Variants in ASIC2 observed in about 807,000 individuals in gnomAD.
The protein encoded by ASIC2 is acid sensing ion channel subunit 2, also known as acid-sensing ion channel 2.
Under a neutral mutation model 57.3 loss-of-function variants are expected in ASIC2, and 25 were observed. That is an observed-to-expected ratio of 0.44 (90% CI 0.32 to 0.61). The LOEUF (loss-of-function observed/expected upper bound fraction) is 0.61, where lower values mean the gene tolerates loss of function less well. ASIC2 is among the 20% of genes least tolerant of loss of function. ASIC2 has a pLI of 0.06. For synonymous variants in ASIC2, 319 were observed against 307.5 expected (o/e 1.04, Z -0.39); for missense variants, 641 against 738.1 (o/e 0.87, Z 1.52).
chr17:33,636,856 C>T (rs897094870), intron 1 of ASIC2, among the ~76,000 whole-genome samples: 1 of 151,948 alleles, frequency 6.6e-6, no homozygotes, highest in East Asian at 1.9e-4. Flanking sequence ...CAGTAACACA[C>T]AAGCATATGC....
intron 1 of ASIC2, among the ~76,000 whole-genome samples, chr17:33,784,086 G>A (rs1230180988): frequency 6.6e-6 from 1 of 152,172 alleles, no homozygotes; most frequent in Non-Finnish European, 1.5e-5. Flanking sequence ...AGTTTTGTGA[G>A]GTTGGGGGGT....
At chr17:34,024,297 A>T (rs1041919346) in intron 1 of ASIC2, among the ~76,000 whole-genome samples, 2 of 152,208 alleles carry the variant, frequency 1.3e-5, no homozygotes, top group African/African-American at 4.8e-5. Context: ...TCTCAGCACT[A>T]CTTAGAAACT....
At chr17:33,815,508 A>T (rs540178506) in intron 1 of ASIC2, among the ~76,000 whole-genome samples, 68 of 152,310 alleles carry the variant, frequency 4.5e-4, no homozygotes, top group African/African-American at 1.6e-3. Context: ...GTCTTGACTT[A>T]ACTCACCCCT....
intron 1 of ASIC2, among the ~76,000 whole-genome samples, chr17:33,346,405 G>T (rs1907951595): frequency 6.6e-6 from 1 of 152,080 alleles, no homozygotes. Flanking sequence ...ATTTAATTTA[G>T]CTTGTGTCAG....
chr17:33,587,681 G>A (rs909704475), intron 1 of ASIC2, among the ~76,000 whole-genome samples: 1 of 152,220 alleles, frequency 6.6e-6, no homozygotes, highest in African/African-American at 2.4e-5. Flanking sequence ...GAGCAGAGAA[G>A]AAGGCAGACC....
At chr17:33,525,953 G>A (rs1271613944) in intron 1 of ASIC2, among the ~76,000 whole-genome samples, 1 of 152,032 alleles carries the variant, frequency 6.6e-6, no homozygotes, top group African/African-American at 2.4e-5. Flanking sequence ...TTCCACTCGT[G>A]GGTATCTTCT....
At chr17:33,775,331 C>T (rs1486874387) in intron 1 of ASIC2, among the ~76,000 whole-genome samples, 4 of 152,174 alleles carry the variant, frequency 2.6e-5, no homozygotes, top group Non-Finnish European at 4.4e-5. Flanking sequence ...GACTCCCAGG[C>T]ACAGAGGATG....
At chr17:33,495,427 A>G (rs1913897605) in intron 1 of ASIC2, among the ~76,000 whole-genome samples, 1 of 152,142 alleles carries the variant, frequency 6.6e-6, no homozygotes, top group South Asian at 2.1e-4. Context: ...CTTCTCGGAA[A>G]CCAAGAAGGA....
chr17:33,925,269 T>C lies in ASIC2; in HGVS notation c.555+230709A>G, dbSNP rs527313242. Among the ~76,000 whole-genome samples, 3 of 152,350 alleles carry C rather than the reference T, an allele frequency of 2.0e-5. No homozygotes were observed. In the South Asian group the frequency reaches 6.2e-4, roughly 32 times the overall value. On this transcript the variant is annotated intron_variant, in intron 1 of 9. Transcript: ENST00000359872. ...CATACCAACTTGCACAAGGGTTGAA[T>C]GAGGAGAAGAATATAAGCGCAAAAT... is the stretch of plus-strand genomic sequence containing the variant.
intron 3 of ASIC2, among the ~76,000 whole-genome samples, chr17:33,071,692 CT>C (rs2141950502): frequency 6.6e-6 from 1 of 152,274 alleles, no homozygotes; most frequent in South Asian, 2.1e-4. Context: ...TATTCTTGAG[CT>C]TTGTTCTGGA....
intron 2 of ASIC2, among the ~76,000 whole-genome samples, chr17:33,101,589 A>G (rs1414840601): frequency 1.3e-5 from 2 of 152,204 alleles, no homozygotes; most frequent in African/African-American, 4.8e-5. Flanking sequence ...AATTTCTACC[A>G]TGTAGGAATC....
At chr17:34,098,408 T>C (rs1910624484) in intron 1 of ASIC2, among the ~76,000 whole-genome samples, 3 of 152,176 alleles carry the variant, frequency 2.0e-5, no homozygotes, top group African/African-American at 7.2e-5. Flanking sequence ...TATGGGAAAG[T>C]GCACATCTTA....
At chr17:33,407,113 C>G (rs1306653731) in intron 1 of ASIC2, among the ~76,000 whole-genome samples, 1 of 152,118 alleles carries the variant, frequency 6.6e-6, no homozygotes, top group East Asian at 1.9e-4. Context: ...ATAATATTAT[C>G]TACTTTAGCA....
intron 1 of ASIC2, among the ~76,000 whole-genome samples, chr17:34,140,284 GCGGGGACCAATATGGAA>G (rs1301783801): frequency 2.0e-5 from 3 of 152,158 alleles, no homozygotes; most frequent in African/African-American, 7.2e-5. Flanking sequence ...GCTAGAGAAA[GCGGGGACCAATATGGAA>G]GGAGGAAAAG....
At chr17:33,295,993 A>T (rs558615796), upstream of ASIC2, among the ~76,000 whole-genome samples, 2 of 152,044 alleles carry the variant, frequency 1.3e-5, no homozygotes, top group Admixed American at 1.3e-4. Context: ...TATTTTTACC[A>T]TTGTTGATGC....
intron 1 of ASIC2, among the ~76,000 whole-genome samples, chr17:33,798,281 G>T (rs1167392628): frequency 2.6e-5 from 4 of 152,196 alleles, no homozygotes; most frequent in African/African-American, 9.7e-5. Context: ...CTTAGAGCAG[G>T]TGTTTATGCA....
At position 33,675,998 on chromosome 17, in the gene ASIC2, A is replaced by G. The variant is rs553275826; in HGVS notation, c.555+479980T>C. On this transcript the variant is annotated intron_variant, in intron 1 of 9. Coordinates refer to the ASIC2 transcript ENST00000359872. ...TGTCATTTTTCCAACAGCTGTCTCT[A>G]TGATGTCACATTTTTGTAATTCTTG... Among the ~76,000 whole-genome samples, 3 of 152,348 alleles carry G rather than the reference A, an allele frequency of 2.0e-5. No homozygotes were observed. The East Asian group carries it at 5.8e-4, about 29-fold the overall frequency.
In ASIC2 at chr17:33,964,044, C is replaced by T. The variant is rs1273140662; in HGVS notation, c.555+191934G>A. Among the ~76,000 whole-genome samples the T allele has an allele frequency of 2.6e-5, 4 of 152,208 alleles. No homozygotes were observed. In the East Asian group the frequency reaches 7.7e-4, roughly 29 times the overall value. On this transcript the variant is annotated intron_variant, in intron 1 of 9. Transcript: ENST00000359872. ...TCAGAAAAGAAAATTATGGAGCATA[C>T]AGGGCCCAACTCCCCATTGCTGTGC...
At chr17:33,118,636 A>G (rs2092289714) in intron 1 of ASIC2, among the ~76,000 whole-genome samples, 1 of 152,146 alleles carries the variant, frequency 6.6e-6, no homozygotes, top group South Asian at 2.1e-4. Flanking sequence ...GCAAAGTGCC[A>G]GACACCAAAA....
Sources: gnomAD v4.1 joint callset for allele counts (sites outside exome capture counted in the v4.1 genomes callset) on GRCh38, gnomAD v4.1.1 for gene constraint, MANE v1.5 for transcripts, NCBI Gene and HGNC (gene_info 2026-07-23, HGNC 2026-07-21) for gene names.